The following UBE3D variants were observed in gnomAD, a reference collection of about 807,000 sequenced individuals.
The protein encoded by UBE3D is E3 ubiquitin-protein ligase E3D.
UBE3D carries 48 observed loss-of-function variants against 49.6 expected under a neutral mutation model. The ratio of observed to expected loss-of-function variants is 0.97; its 90% CI spans 0.77 to 1.23. The LOEUF (loss-of-function observed/expected upper bound fraction) is 1.23. Ranked by LOEUF, UBE3D falls within the 50% of genes most tolerant of loss-of-function variation. UBE3D has a pLI of 0.00. For synonymous variants in UBE3D, 189 were observed against 174.2 expected (o/e 1.08, Z -0.67); for missense variants, 452 against 468.4 (o/e 0.96, Z 0.32).
intron 8 of UBE3D, among the ~76,000 whole-genome samples, chr6:82,983,810 T>G (rs1181988779): frequency 6.6e-6 from 1 of 152,200 alleles, no homozygotes; most frequent in East Asian, 1.9e-4. Flanking sequence ...TTGTAGTTTC[T>G]TTTGTCATTA....
intron 9 of UBE3D, among the ~76,000 whole-genome samples, chr6:82,911,367 T>A (rs979357917): frequency 2.0e-5 from 3 of 152,166 alleles, no homozygotes; most frequent in Non-Finnish European, 4.4e-5. Context: ...ATGCAGTATT[T>A]GGGGACACAG....
chr6:82,900,061 C>A (rs1157720211), intron 9 of UBE3D, among the ~76,000 whole-genome samples: 2 of 152,134 alleles, frequency 1.3e-5, no homozygotes, highest in Non-Finnish European at 2.9e-5. Flanking sequence ...TTTAATTTCT[C>A]CTTCCTATGG....
At position 82,970,650 on chromosome 6, in the gene UBE3D, T is replaced by C. The variant is rs1415742474; in HGVS notation, c.1011-13200A>G. Among the ~76,000 whole-genome samples the C allele has an allele frequency of 3.3e-5, 5 of 151,954 alleles. No homozygotes were observed. In the East Asian group the frequency reaches 9.7e-4, roughly 29 times the overall value. The stretch of plus-strand genomic sequence containing the variant: ...GTCAGGAGATCGAGACCATCCTGGC[T>C]AACACAGTGAAACCCCATCTCTACT... On this transcript the variant is annotated intron_variant, in intron 8 of 9. Transcript: ENST00000369747.
At chr6:82,977,108 C>A (rs1777776892) in intron 8 of UBE3D, among the ~76,000 whole-genome samples, 1 of 80,320 alleles carries the variant, frequency 1.2e-5, no homozygotes, top group South Asian at 5.3e-4. Flanking sequence ...AGCAAGACTC[C>A]ATCTCAAAAA....
chr6:82,904,216 A>G lies in UBE3D; in HGVS notation c.1150-11174T>C, dbSNP rs553240569. 4.6e-4 allele frequency among the ~76,000 whole-genome samples: 70 copies of G among 152,236 alleles called. No homozygotes were observed. The East Asian group carries it at 0.011, about 24-fold the overall frequency. The stretch of plus-strand genomic sequence containing the variant: ...AAGTGAAATGAAGCATAATGAACCA[A>G]TTTTTTATCATCAAAGTTATAATGA... On this transcript the variant is annotated intron_variant, in intron 9 of 9. Coordinates refer to ENST00000369747, the MANE Select transcript of UBE3D (RefSeq NM_198920.3).
At chr6:82,886,400 T>C in the UBE3D span, among the ~76,000 whole-genome samples, 1 of 152,160 alleles carries the variant, frequency 6.6e-6, no homozygotes, top group African/African-American at 2.4e-5. Context: ...CCACCTGATC[T>C]GACAGGAGGC....
chr6:83,057,987 G>A lies in UBE3D; in HGVS notation c.113C>T (p.Ser38Phe), dbSNP rs1295647890. The change falls in exon 2 of 10, where the codon TCC (serine) becomes TTC (phenylalanine). Residue 38 changes from serine (S) to phenylalanine (F), a missense_variant. Physicochemically the swap from Ser to Phe is radical, Grantham distance 155. Transcript: ENST00000369747. ...CATCTGGAGTGAAGATGGCATTATG[G>A]AAATATTCATGGGCATACCTCCTTC... ...PKEGGMPMNI[S>F]IMPSSLQMKT... is the part of the protein sequence containing the mutation. 1 of 1,613,968 alleles carries A rather than the reference G, an allele frequency of 6.2e-7. No individual in the cohort carries two copies. The highest frequency in any genetic ancestry group is 1.3e-5 in the African/African-American group (1 of 74,900).
intron 8 of UBE3D, among the ~76,000 whole-genome samples, chr6:82,985,105 C>T (rs915873914): frequency 7.0e-6 from 1 of 142,286 alleles, no homozygotes; most frequent in South Asian, 2.3e-4. Flanking sequence ...TCCCACCTGG[C>T]CTCCCAAAAT....
chr6:83,038,227 T>C, intron 5 of UBE3D, 189 bp downstream of exon 5: 1 of 516,068 alleles, frequency 1.9e-6, no homozygotes, highest in South Asian at 2.6e-5. Flanking sequence ...ATACTCTGTA[T>C]TTATGAAGGT....
At chr6:82,955,630 G>A (rs1211469896) in intron 9 of UBE3D, among the ~76,000 whole-genome samples, 3 of 152,198 alleles carry the variant, frequency 2.0e-5, no homozygotes, top group East Asian at 3.8e-4. Context: ...TTAAGGCAGT[G>A]TATGAATAAA....
At chr6:83,008,728 C>G (rs1012510186) in intron 8 of UBE3D, among the ~76,000 whole-genome samples, 2 of 152,152 alleles carry the variant, frequency 1.3e-5, no homozygotes, top group African/African-American at 4.8e-5. Context: ...TAATACACCA[C>G]CCCATGTGCC....
chr6:82,963,365 T>C (rs1776689564), intron 8 of UBE3D, among the ~76,000 whole-genome samples: 1 of 152,144 alleles, frequency 6.6e-6, no homozygotes, highest in Non-Finnish European at 1.5e-5. Flanking sequence ...ACTCTGCCCA[T>C]GACTCACATA....
At chr6:83,056,917 T>C (rs548929936) in intron 2 of UBE3D, among the ~76,000 whole-genome samples, 1 of 152,266 alleles carries the variant, frequency 6.6e-6, no homozygotes, top group East Asian at 1.9e-4. Flanking sequence ...ATTTCCCCCT[T>C]TGACATAATT....
At chr6:82,929,414 T>A (rs1256257630) in intron 9 of UBE3D, among the ~76,000 whole-genome samples, 1 of 152,220 alleles carries the variant, frequency 6.6e-6, no homozygotes, top group Non-Finnish European at 1.5e-5. Flanking sequence ...TTACTGAAGA[T>A]TTCCTATTTT....
chr6:82,887,839 G>A (rs372389153), downstream of UBE3D, among the ~76,000 whole-genome samples: 11 of 152,272 alleles, frequency 7.2e-5, no homozygotes, highest in South Asian at 1.7e-3. Flanking sequence ...TGAAGAGAAA[G>A]TTTCAAGTGA....
chr6:83,050,319 A>G (rs1461402976), intron 3 of UBE3D, among the ~76,000 whole-genome samples: 2 of 152,026 alleles, frequency 1.3e-5, no homozygotes, highest in Admixed American at 6.5e-5. Flanking sequence ...ATGAAACCCC[A>G]AATACAAATG....
chr6:82,938,708 C>T (rs1774777159), intron 9 of UBE3D: 1 of 152,140 alleles, frequency 6.6e-6, no homozygotes, highest in African/African-American at 2.4e-5. Context: ...TCACGTGTTT[C>T]TTACAGTTTT....
chr6:82,960,467 G>A (rs1404026445), intron 8 of UBE3D, among the ~76,000 whole-genome samples: 5 of 151,896 alleles, frequency 3.3e-5, no homozygotes, highest in African/African-American at 1.2e-4. Flanking sequence ...TATCCTTGCT[G>A]CTGAATTTCT....
At chr6:82,975,337 A>G (rs1314347688) in intron 8 of UBE3D, among the ~76,000 whole-genome samples, 1 of 152,198 alleles carries the variant, frequency 6.6e-6, no homozygotes, top group Non-Finnish European at 1.5e-5. Context: ...AGTTTTAAAA[A>G]AATAAAGAAC....
Sources: gnomAD v4.1 joint callset for allele counts (sites outside exome capture counted in the v4.1 genomes callset) on GRCh38, gnomAD v4.1.1 for gene constraint, MANE v1.5 for transcripts, NCBI Gene and HGNC (gene_info 2026-07-23, HGNC 2026-07-21) for gene names.